SEMA3A: variants seen among roughly 807,000 people sequenced by gnomAD.
The protein encoded by SEMA3A is semaphorin 3A.
A neutral mutation model predicts 97.9 loss-of-function variants in SEMA3A; 29 were observed. The ratio of observed to expected loss-of-function variants is 0.30; its 90% CI spans 0.22 to 0.40. The LOEUF is 0.40. SEMA3A is among the 10% of genes least tolerant of loss of function. SEMA3A has a pLI of 1.00. For missense variants in SEMA3A, 763 were observed against 951.3 expected, an observed-to-expected ratio of 0.80 and a Z score of 2.60; for synonymous variants, 321 against 323.7, an observed-to-expected ratio of 0.99 and a Z score of 0.09.
At chr7:84,240,750 C>G (rs913511294) in intron 3 of SEMA3A, among the ~76,000 whole-genome samples, 1 of 152,090 alleles carries the variant, frequency 6.6e-6, no homozygotes, top group African/African-American at 2.4e-5. Context: ...ATGCTAGCCC[C>G]CTCTAGCCCA....
intron 3 of SEMA3A, among the ~76,000 whole-genome samples, chr7:84,297,230 G>A (rs1800895072): frequency 1.3e-5 from 2 of 152,096 alleles, no homozygotes; most frequent in Non-Finnish European, 2.9e-5. Flanking sequence ...GCCGGCCTTG[G>A]CCTCCCAAAG....
chr7:83,990,058 C>T (rs1789833945), intron 12 of SEMA3A, among the ~76,000 whole-genome samples: 1 of 151,946 alleles, frequency 6.6e-6, no homozygotes, highest in South Asian at 2.1e-4. Context: ...TTGCATTTCT[C>T]TGATGGCCAG....
At chr7:84,425,163 ATATT>A (rs1164743419) in intron 1 of SEMA3A, among the ~76,000 whole-genome samples, 1 of 111,428 alleles carries the variant, frequency 9.0e-6, no homozygotes, top group Non-Finnish European at 1.6e-5. Context: ...TATATTATAA[ATATT>A]AAATATATTA....
chr7:84,264,494 C>A (rs988688862), intron 3 of SEMA3A, among the ~76,000 whole-genome samples: 4 of 152,074 alleles, frequency 2.6e-5, no homozygotes, highest in African/African-American at 9.7e-5. Flanking sequence ...TTCAGGGATA[C>A]CAGATATATT....
chr7:84,132,558 CAT>C lies in SEMA3A; in HGVS notation c.270+2234_270+2235del, dbSNP rs1795991190. On this transcript the variant is annotated intron_variant, in intron 2 of 16. Coordinates refer to ENST00000265362, the MANE Select transcript of SEMA3A (RefSeq NM_006080.3). Reference sequence around the variant, plus strand: ...AAAGCTATCTATCTGTAGATATATACATATATGAATATCACAAAATGATAAAT... The same window carrying C: ...AAAGCTATCTATCTGTAGATATATACATATGAATATCACAAAATGATAAAT... Among the ~76,000 whole-genome samples the C allele has an allele frequency of 3.4e-5, 5 of 148,892 alleles. No individual in the cohort carries two copies. In the South Asian group the frequency reaches 1.1e-3, roughly 32 times the overall value.
At chr7:84,392,913 G>C (rs1803622407) in intron 1 of SEMA3A, among the ~76,000 whole-genome samples, 1 of 152,030 alleles carries the variant, frequency 6.6e-6, no homozygotes, top group Admixed American at 6.6e-5. Context: ...CTATAGAGTT[G>C]TTTGAGCTCC....
intron 1 of SEMA3A, among the ~76,000 whole-genome samples, chr7:84,140,820 A>G (rs1310633863): frequency 1.3e-5 from 2 of 152,148 alleles, no homozygotes; most frequent in Non-Finnish European, 2.9e-5. Context: ...GCATTATAAG[A>G]ACAAAAAAAC....
chr7:84,358,919 C>A (rs1251414222), intron 2 of SEMA3A, among the ~76,000 whole-genome samples: 2 of 152,056 alleles, frequency 1.3e-5, no homozygotes, highest in Non-Finnish European at 2.9e-5. Context: ...GGAGTTCACT[C>A]ATGATTTGGC....
chr7:84,401,292 T>C (rs769742779), intron 1 of SEMA3A, among the ~76,000 whole-genome samples: 1 of 151,874 alleles, frequency 6.6e-6, no homozygotes, highest in Non-Finnish European at 1.5e-5. Context: ...TGGGAATAAA[T>C]TTAACCAAAA....
At chr7:84,394,552 G>A (rs1397496828) in intron 1 of SEMA3A, among the ~76,000 whole-genome samples, 1 of 152,080 alleles carries the variant, frequency 6.6e-6, no homozygotes, top group Non-Finnish European at 1.5e-5. Context: ...TAAACATTAA[G>A]TTGCCTTCTG....
intron 3 of SEMA3A, among the ~76,000 whole-genome samples, chr7:84,126,896 CA>C (rs1795816320): frequency 6.6e-6 from 1 of 152,160 alleles, no homozygotes; most frequent in African/African-American, 2.4e-5. Context: ...GTAGGGGTAT[CA>C]GCACAAAATT....
chr7:84,016,435 G>T (rs371336936), intron 6 of SEMA3A, among the ~76,000 whole-genome samples: 1 of 152,040 alleles, frequency 6.6e-6, no homozygotes, highest in African/African-American at 2.4e-5. Flanking sequence ...CTACTTGGGA[G>T]GCTGAGGCAG....
At position 84,176,637 on chromosome 7, in the gene SEMA3A, A is replaced by T. The variant is rs187623065; in HGVS notation, c.112+17838T>A. ...ACATCTAAAACTTGAGTGGTGTTTA[A>T]GAATGTAAACACATTTTTTAAGCAT... On this transcript the variant is annotated intron_variant, in intron 1 of 16. Transcript: ENST00000265362. Among the ~76,000 whole-genome samples, 169 of 152,290 alleles carry T rather than the reference A, an allele frequency of 1.1e-3. 1 individual carries two copies. Among genetic ancestry groups the T allele is most frequent in the Admixed American group, 9.0e-3 (138 of 15,288 alleles).
Position 84,262,284 on chromosome 7 carries a change from G to T in SEMA3A, c.-83+44923C>A, listed in dbSNP as rs572927230. ...GGATGGAGTGCAATGGTACGAGCCT[G>T]GCTCATTGTAACCTCCACCTCCCAG... is the stretch of plus-strand genomic sequence containing the variant. On this transcript the variant is annotated intron_variant, in intron 3 of 3. Coordinates refer to the SEMA3A transcript ENST00000424555. Among the ~76,000 whole-genome samples, 878 of 152,132 alleles carry T rather than the reference G, an allele frequency of 5.8e-3. 33 individuals are homozygous for T. The highest frequency in any genetic ancestry group is 0.051 in the Admixed American group (772 of 15,286).
At chr7:84,039,363 AG>A (rs1487697015) in intron 6 of SEMA3A, among the ~76,000 whole-genome samples, 1 of 152,130 alleles carries the variant, frequency 6.6e-6, no homozygotes, top group African/African-American at 2.4e-5. Flanking sequence ...GCCCATGAAG[AG>A]ATTCATTAGT....
At chr7:84,440,254 A>G (rs947475350) in intron 1 of SEMA3A, among the ~76,000 whole-genome samples, 3 of 152,154 alleles carry the variant, frequency 2.0e-5, no homozygotes, top group Non-Finnish European at 4.4e-5. Flanking sequence ...TGGATGGGAA[A>G]CTGTGATTAA....
chr7:84,426,585 A>T (rs1192002466), intron 1 of SEMA3A, among the ~76,000 whole-genome samples: 1 of 152,128 alleles, frequency 6.6e-6, no homozygotes, highest in Non-Finnish European at 1.5e-5. Flanking sequence ...AAAATGTTCT[A>T]GCATCACATT....
chr7:83,961,535 T>C lies in SEMA3A; in HGVS notation c.2152A>G (p.Met718Val), dbSNP rs752452182. 8 of 1,614,108 alleles carry C rather than the reference T, an allele frequency of 5.0e-6. No individual in the cohort carries two copies. The highest frequency in any genetic ancestry group is 3.3e-5 in the South Asian group (3 of 91,082). ...CAAACTTGTTCACAGAACTCATCCATTGTGTTGAGATTGGGGTGGTTGATG... is the reference window on the plus strand; with the variant it reads ...CAAACTTGTTCACAGAACTCATCCACTGTGTTGAGATTGGGGTGGTTGATG... ...QLINHPNLNTMDEFCEQVWKR... is the reference protein window; with the variant it reads ...QLINHPNLNTVDEFCEQVWKR... The change falls in exon 17 of 17, where the codon ATG (methionine) becomes GTG (valine). Residue 718 changes from methionine (M) to valine (V), a missense_variant. This residue lies in a region of SEMA3A where 678 missense variants were observed against 881.3 expected (regional missense o/e 0.77). Coordinates refer to ENST00000265362, the MANE Select transcript of SEMA3A (RefSeq NM_006080.3).
chr7:84,246,276 T>C (rs1173772875), intron 3 of SEMA3A, among the ~76,000 whole-genome samples: 1 of 152,194 alleles, frequency 6.6e-6, no homozygotes, highest in Non-Finnish European at 1.5e-5. Context: ...AGTCATTAAG[T>C]TTGTAGTAAT....
Sources: allele counts gnomAD v4.1 joint callset (sites outside exome capture counted in the v4.1 genomes callset), GRCh38; gene constraint gnomAD v4.1.1; regional missense constraint gnomAD v4.1.1; transcripts MANE v1.5; gene names NCBI Gene and HGNC (gene_info 2026-07-23, HGNC 2026-07-21).